The following DSCAML1 variants were observed in gnomAD, a reference collection of about 807,000 sequenced individuals.
DSCAML1 encodes DS cell adhesion molecule like 1.
A neutral mutation model predicts 200.5 loss-of-function variants in DSCAML1; 38 were observed. That is an observed-to-expected ratio of 0.19 (90% confidence interval 0.15 to 0.25). The LOEUF is 0.25. Among genes scored for constraint, DSCAML1 ranks in the 10% least tolerant of loss-of-function variants. The pLI is 1.00. For synonymous variants in DSCAML1, 1,215 were observed against 1,165.0 expected, an observed-to-expected ratio of 1.04 and a Z score of -0.87; for missense variants, 2,223 against 2,858.8, an observed-to-expected ratio of 0.78 and a Z score of 5.07.
intron 14 of DSCAML1, among the ~76,000 whole-genome samples, chr11:117,478,109 C>T (rs576497392): frequency 1.5e-4 from 23 of 152,354 alleles, no homozygotes; most frequent in African/African-American, 5.3e-4. Flanking sequence ...CTTCCCTTTC[C>T]ACCTTGCCTT....
chr11:117,769,665 G>C (rs2055004003), intron 3 of DSCAML1, among the ~76,000 whole-genome samples: 1 of 147,086 alleles, frequency 6.8e-6, no homozygotes, highest in Non-Finnish European at 1.5e-5. Flanking sequence ...GAATGCATAA[G>C]TTTAAGTTGT....
intron 1 of DSCAML1, among the ~76,000 whole-genome samples, chr11:117,811,006 C>T (rs143523823): frequency 0.014 from 2,112 of 152,282 alleles, 47 homozygotes; most frequent in African/African-American, 0.048. Context: ...CCTCAGCCTC[C>T]GCTCCTCCAC....
chr11:117,444,356 G>A (rs2048133745), intron 20 of DSCAML1, among the ~76,000 whole-genome samples: 1 of 152,168 alleles, frequency 6.6e-6, no homozygotes, highest in South Asian at 2.1e-4. Flanking sequence ...GGGGTAGCCA[G>A]GAGAAGGGAG....
At chr11:117,619,110 G>A (rs927645958) in intron 3 of DSCAML1, among the ~76,000 whole-genome samples, 18 of 152,142 alleles carry the variant, frequency 1.2e-4, no homozygotes, top group Non-Finnish European at 5.9e-5. Flanking sequence ...AGCTCGGGGC[G>A]CCTGTGCCCA....
At chr11:117,651,226 G>A (rs1298931929) in intron 3 of DSCAML1, among the ~76,000 whole-genome samples, 1 of 152,230 alleles carries the variant, frequency 6.6e-6, no homozygotes, top group Admixed American at 6.5e-5. Context: ...CCTCAGCTCA[G>A]GGATGGGACA....
intron 8 of DSCAML1, among the ~76,000 whole-genome samples, chr11:117,508,211 C>G (rs2049543034): frequency 6.6e-6 from 1 of 152,180 alleles, no homozygotes. Flanking sequence ...TCCCCTATAT[C>G]CTTTCAGATC....
intron 28 of DSCAML1, 61 bp downstream of exon 28, chr11:117,433,380 G>C (rs1016804484): frequency 1.1e-5 from 17 of 1,599,864 alleles, no homozygotes; most frequent in Non-Finnish European, 1.5e-5. Flanking sequence ...CGAGGCTCCT[G>C]GGTCCTCCTC....
intron 3 of DSCAML1, among the ~76,000 whole-genome samples, chr11:117,708,466 G>C (rs962410407): frequency 6.6e-6 from 1 of 152,190 alleles, no homozygotes. Context: ...CTTAACCTAA[G>C]CCTCAATTTT....
Position 117,808,477 on chromosome 11 carries a change from G to A in DSCAML1, c.-250+8913C>T, listed in dbSNP as rs564890123. 3.9e-5 allele frequency among the ~76,000 whole-genome samples: 6 copies of A among 152,244 alleles called. No individual in the cohort carries two copies. In the East Asian group the frequency reaches 5.8e-4, roughly 15 times the overall value. ...GCCATCTCTGGGTCTCAGTGGCTCC[G>A]AAACCACACAACTACACATGCACAC... On this transcript the variant is annotated intron_variant, in intron 1 of 2. Transcript: ENST00000525836.
At chr11:117,496,056 T>C (rs1402454461) in intron 11 of DSCAML1, among the ~76,000 whole-genome samples, 1 of 152,182 alleles carries the variant, frequency 6.6e-6, no homozygotes, top group Non-Finnish European at 1.5e-5. Flanking sequence ...CCTTTCTTCC[T>C]TTGCCCTTCC....
At chr11:117,675,140 G>A (rs1465296543) in intron 3 of DSCAML1, among the ~76,000 whole-genome samples, 2 of 152,218 alleles carry the variant, frequency 1.3e-5, no homozygotes, top group African/African-American at 2.4e-5. Context: ...TGATGAAGAT[G>A]TATGAGTTAA....
intron 5 of DSCAML1, among the ~76,000 whole-genome samples, chr11:117,524,192 C>T (rs1011005780): frequency 6.6e-6 from 1 of 152,224 alleles, no homozygotes; most frequent in Admixed American, 6.5e-5. Context: ...TCCACACCAG[C>T]TCCTTGGACC....
chr11:117,790,385 T>C (rs625447), intron 1 of DSCAML1, among the ~76,000 whole-genome samples: 49,866 of 152,190 alleles, frequency 0.33, 9,125 homozygotes, highest in Non-Finnish European at 0.42. Flanking sequence ...CTGCCAAGTT[T>C]GCTCCAGGAA....
chr11:117,656,033 A>C (rs560780789), intron 3 of DSCAML1, among the ~76,000 whole-genome samples: 1 of 152,368 alleles, frequency 6.6e-6, no homozygotes, highest in East Asian at 1.9e-4. Context: ...CGAGGTCAGG[A>C]ATTCAAGACT....
intron 1 of DSCAML1, among the ~76,000 whole-genome samples, chr11:117,815,933 G>A (rs895903633): frequency 3.3e-5 from 5 of 151,896 alleles, no homozygotes; most frequent in Non-Finnish European, 5.9e-5. Flanking sequence ...CTGCCAAAAC[G>A]GGTTGGGGAG....
At chr11:117,465,426 C>G (rs1330003840) in intron 16 of DSCAML1, among the ~76,000 whole-genome samples, 1 of 152,198 alleles carries the variant, frequency 6.6e-6, no homozygotes, top group Non-Finnish European at 1.5e-5. Flanking sequence ...GCCTCTTTGG[C>G]CGCATCCCCA....
At chr11:117,465,420 CTT>C (rs907371764) in intron 16 of DSCAML1, among the ~76,000 whole-genome samples, 3 of 152,204 alleles carry the variant, frequency 2.0e-5, no homozygotes, top group Non-Finnish European at 4.4e-5. Flanking sequence ...ACTCTGGCCT[CTT>C]TGGCCGCATC....
rs893459408 is a variant in DSCAML1, at chr11:117,650,794, C to T, written c.512-118272G>A. ...GGGTGGTTGAGGGCTGCTCAGGACT[C>T]GGCAGCTAATTGCCCAGCTTTCCAC... On this transcript the variant is annotated intron_variant, in intron 3 of 32. Transcript: ENST00000651296. Among the ~76,000 whole-genome samples, 6 of 152,010 alleles carry T rather than the reference C, an allele frequency of 3.9e-5. No individual in the cohort carries two copies. The East Asian group carries it at 7.8e-4, about 20-fold the overall frequency.
At chr11:117,705,399 T>A (rs1490968111) in intron 3 of DSCAML1, among the ~76,000 whole-genome samples, 1 of 152,242 alleles carries the variant, frequency 6.6e-6, no homozygotes, top group African/African-American at 2.4e-5. Flanking sequence ...CAAGGTACTT[T>A]CTACTCCCCA....
Sources: gnomAD v4.1 joint callset for allele counts (sites outside exome capture counted in the v4.1 genomes callset) on GRCh38, gnomAD v4.1.1 for gene constraint, MANE v1.5 for transcripts, NCBI Gene and HGNC (gene_info 2026-07-23, HGNC 2026-07-21) for gene names.